Variants in PEAK1 observed in about 807,000 individuals in gnomAD.
The protein encoded by PEAK1 is pseudopodium enriched atypical kinase 1.
PEAK1 carries 54 observed loss-of-function variants against 124.7 expected under a neutral mutation model. The observed-to-expected ratio is 0.43, with a 90% confidence interval of 0.35 to 0.54. The LOEUF (loss-of-function observed/expected upper bound fraction) is 0.54. Among genes scored for constraint, PEAK1 ranks in the 20% least tolerant of loss-of-function variants. PEAK1 has a pLI of 0.01. For missense variants in PEAK1, 2,046 were observed against 2,134.5 expected, an observed-to-expected ratio of 0.96 and a Z score of 0.82; for synonymous variants, 719 against 760.0, an observed-to-expected ratio of 0.95 and a Z score of 0.89.
chr15:77,400,292 C>A (rs1055774324), intron 1 of PEAK1, among the ~76,000 whole-genome samples: 1 of 152,090 alleles, frequency 6.6e-6, no homozygotes, highest in Non-Finnish European at 1.5e-5. Context: ...ACCATATGAT[C>A]CAGCAATCCC....
chr15:77,259,078 A>T (rs1262269786), intron 5 of PEAK1, among the ~76,000 whole-genome samples: 1 of 152,168 alleles, frequency 6.6e-6, no homozygotes, highest in Non-Finnish European at 1.5e-5. Flanking sequence ...TTTACCGTAA[A>T]GGTAGAGTTA....
At chr15:77,334,743 T>C (rs2066092272) in intron 2 of PEAK1, 3 of 978,604 alleles carry the variant, frequency 3.1e-6, no homozygotes, top group African/African-American at 3.9e-5. Context: ...GTTTGTACAA[T>C]ACATTTTATC....
In PEAK1 at chr15:77,122,191, T is replaced by C. The variant is rs984530810; in HGVS notation, c.4078-6872A>G. Among the ~76,000 whole-genome samples the C allele has an allele frequency of 1.5e-4, 23 of 152,242 alleles. 1 individual carries two copies. Among genetic ancestry groups the C allele is most frequent in the Admixed American group, 1.4e-3 (22 of 15,278 alleles). On this transcript the variant is annotated intron_variant, in intron 9 of 9. Coordinates refer to ENST00000682557, the MANE Select transcript of PEAK1 (RefSeq NM_001385026.1). ...TACTCAGGACTCCATGTTGTAGGAA[T>C]CTGCTATGAGAACTGTTGGGTAGGC... is the stretch of plus-strand genomic sequence containing the variant.
At chr15:77,248,807 T>C (rs2060711791) in intron 6 of PEAK1, among the ~76,000 whole-genome samples, 2 of 151,824 alleles carry the variant, frequency 1.3e-5, no homozygotes, top group Non-Finnish European at 2.9e-5. Flanking sequence ...CTATATTTTA[T>C]TTTATTTTAT....
At chr15:77,249,637 T>C (rs766505201) in intron 6 of PEAK1, among the ~76,000 whole-genome samples, 2 of 152,176 alleles carry the variant, frequency 1.3e-5, no homozygotes, top group East Asian at 1.9e-4. Flanking sequence ...ATTTCTGAAC[T>C]GGGCTAGGTG....
chr15:77,116,696 C>A (rs1158258800), intron 9 of PEAK1, among the ~76,000 whole-genome samples: 1 of 136,770 alleles, frequency 7.3e-6, no homozygotes, highest in Non-Finnish European at 1.6e-5. Flanking sequence ...CCATGGAAAT[C>A]AATCAATCTA....
intron 9 of PEAK1, among the ~76,000 whole-genome samples, chr15:77,128,296 G>A (rs2052561654): frequency 6.6e-6 from 1 of 152,160 alleles, no homozygotes; most frequent in South Asian, 2.1e-4. Context: ...ACTGAACTTG[G>A]ATTCTACAGG....
In PEAK1 at chr15:77,286,458, G is replaced by A. The variant is rs1171078720; in HGVS notation, c.-556C>T. 2 of 1,229,782 alleles carry A rather than the reference G, an allele frequency of 1.6e-6. No individual in the cohort carries two copies. The highest frequency in any genetic ancestry group is 2.0e-6 in the Non-Finnish European group (2 of 986,524). The allele number at this position is 1,229,782 out of a possible 1,614,324, so 76.2% of individuals were successfully genotyped here. On this transcript the variant is annotated 5_prime_UTR_variant, in exon 3 of 10. Coordinates refer to ENST00000682557, the MANE Select transcript of PEAK1 (RefSeq NM_001385026.1). ...TGGCTCCAACTCTGGGCATTATGTT[G>A]TTGCTTCCTTTTCTTTCCTTACAAA...
At chr15:77,385,220 A>T (rs1312405743) in intron 1 of PEAK1, among the ~76,000 whole-genome samples, 1 of 152,190 alleles carries the variant, frequency 6.6e-6, no homozygotes, top group African/African-American at 2.4e-5. Context: ...GTAATGACAG[A>T]AGCCTATTTG....
intron 6 of PEAK1, among the ~76,000 whole-genome samples, chr15:77,209,857 G>T (rs1197468175): frequency 1.3e-5 from 2 of 152,156 alleles, no homozygotes; most frequent in Non-Finnish European, 2.9e-5. Context: ...TTCTAGCCCA[G>T]TGAAACTTAT....
At chr15:77,391,091 C>T (rs1009576161) in intron 1 of PEAK1, among the ~76,000 whole-genome samples, 1 of 152,164 alleles carries the variant, frequency 6.6e-6, no homozygotes, top group African/African-American at 2.4e-5. Context: ...TATGACTCTC[C>T]TTATTCCTGG....
intron 7 of PEAK1, among the ~76,000 whole-genome samples, chr15:77,167,204 T>C (rs1335736225): frequency 6.6e-6 from 1 of 152,162 alleles, no homozygotes; most frequent in African/African-American, 2.4e-5. Context: ...ATAATTTGAA[T>C]AGTCACAGAT....
At chr15:77,358,271 T>C (rs1160233243) in intron 2 of PEAK1, among the ~76,000 whole-genome samples, 1 of 152,090 alleles carries the variant, frequency 6.6e-6, no homozygotes, top group Non-Finnish European at 1.5e-5. Context: ...TACCCTATGT[T>C]CCCCTCTATC....
intron 5 of PEAK1, among the ~76,000 whole-genome samples, chr15:77,262,419 A>C (rs2061488873): frequency 7.0e-6 from 1 of 142,264 alleles, no homozygotes; most frequent in East Asian, 2.0e-4. Flanking sequence ...AGGAAGATCT[A>C]CTAAGCAAAT....
rs1025484290 is a variant in PEAK1 at position 77,347,833 on chromosome 15, G to C, written c.-603+17330C>G. 8 of 984,860 alleles carry C rather than the reference G, an allele frequency of 8.1e-6. No homozygotes were observed. In the African/African-American group the frequency reaches 1.0e-4, roughly 13 times the overall value. The allele number at this position is 984,860 out of a possible 1,614,324, so 61.0% of individuals were successfully genotyped here. A position where few individuals can be genotyped will look rare whatever the true frequency, so the allele number is the denominator to read the frequency against. On this transcript the variant is annotated intron_variant, in intron 2 of 9. Transcript: ENST00000682557. ...ATAGCAAGCACAAAACAGTGTTTAAGTTCAAAAGCATCTACAACATTAAAC... is the reference window on the plus strand; with the variant it reads ...ATAGCAAGCACAAAACAGTGTTTAACTTCAAAAGCATCTACAACATTAAAC...
At chr15:77,137,082 G>A (rs764902811) in intron 8 of PEAK1, among the ~76,000 whole-genome samples, 12 of 152,230 alleles carry the variant, frequency 7.9e-5, no homozygotes, top group South Asian at 2.1e-4. Flanking sequence ...TCCATGTGGC[G>A]TTGAGCCTGT....
chr15:77,173,144 G>A (rs1372685165), intron 7 of PEAK1, among the ~76,000 whole-genome samples: 2 of 152,104 alleles, frequency 1.3e-5, no homozygotes, highest in African/African-American at 2.4e-5. Context: ...TTTGATTTAT[G>A]CTAAGATGCA....
intron 1 of PEAK1, chr15:77,370,755 G>C: frequency 1.0e-6 from 1 of 984,736 alleles, no homozygotes; most frequent in Non-Finnish European, 1.2e-6. Flanking sequence ...CATCGAGCCA[G>C]GCACGGTGAC....
intron 1 of PEAK1, chr15:77,402,778 A>T: frequency 5.1e-6 from 5 of 985,376 alleles, no homozygotes; most frequent in Non-Finnish European, 4.8e-6. Flanking sequence ...ATGCCATTTT[A>T]TATGAATCTT....
Sources: gnomAD v4.1 joint callset for allele counts (sites outside exome capture counted in the v4.1 genomes callset) on GRCh38, gnomAD v4.1.1 for gene constraint, MANE v1.5 for transcripts, NCBI Gene and HGNC (gene_info 2026-07-23, HGNC 2026-07-21) for gene names.